IL6R: variants seen among roughly 807,000 people sequenced by gnomAD.
IL6R encodes interleukin-6 receptor subunit alpha.
In IL6R, 38 loss-of-function variants were observed where a neutral mutation model predicts 48.3. That is an observed-to-expected ratio of 0.79 (90% CI 0.61 to 1.03). IL6R has a LOEUF of 1.03. Ranked by LOEUF, IL6R falls within the 50% of genes least tolerant of loss-of-function variation. IL6R has a pLI of 0.00. For missense variants in IL6R, 534 were observed against 618.3 expected, an observed-to-expected ratio of 0.86 and a Z score of 1.45; for synonymous variants, 264 against 256.2, an observed-to-expected ratio of 1.03 and a Z score of -0.29.
chr1:154,450,066 C>T lies in IL6R; in HGVS notation c.1066+86C>T, dbSNP rs575176218. 454 of 815,476 alleles carry T rather than the reference C, an allele frequency of 5.6e-4. 8 individuals carry two copies. The South Asian group carries it at 5.6e-3, about 10-fold the overall frequency. 50.5% of individuals were successfully genotyped at this position (815,476 alleles called of 1,614,324 possible). A position where few individuals can be genotyped will look rare whatever the true frequency, so the allele number is the denominator to read the frequency against. Reference sequence around the variant, plus strand: ...AAAGTCCTTTCTTATTTGGACATGTCGTCAGAGGATCAATCACAGATCAAT... The same window carrying T: ...AAAGTCCTTTCTTATTTGGACATGTTGTCAGAGGATCAATCACAGATCAAT... On this transcript the variant is annotated intron_variant, in intron 8 of 9. Coordinates refer to ENST00000368485, the MANE Select transcript of IL6R (RefSeq NM_000565.4).
intron 9 of IL6R, among the ~76,000 whole-genome samples, chr1:154,456,582 G>T (rs1052224870): frequency 6.6e-6 from 1 of 152,072 alleles, no homozygotes; most frequent in African/African-American, 2.4e-5. Flanking sequence ...AGAGGGAGGA[G>T]TCCGGGATGA....
chr1:154,406,082 A>C (rs1036541731), intron 1 of IL6R, among the ~76,000 whole-genome samples: 2 of 152,136 alleles, frequency 1.3e-5, no homozygotes, highest in Non-Finnish European at 2.9e-5. Context: ...AGACTGCCCG[A>C]GAGGGCGCGC....
At chr1:154,450,326 A>C (rs1237368030) in intron 8 of IL6R, among the ~76,000 whole-genome samples, 1 of 151,962 alleles carries the variant, frequency 6.6e-6, no homozygotes, top group East Asian at 1.9e-4. Flanking sequence ...GGGTTTCACT[A>C]TGTTGGCCAG....
chr1:154,452,497 T>C (rs1332857795), intron 8 of IL6R, among the ~76,000 whole-genome samples: 1 of 152,212 alleles, frequency 6.6e-6, no homozygotes, highest in Non-Finnish European at 1.5e-5. Context: ...TCTGCTCAGA[T>C]GCACCCTTCT....
intron 1 of IL6R, chr1:154,414,592 A>G (rs1570923586): frequency 2.7e-6 from 2 of 754,468 alleles, no homozygotes; most frequent in Non-Finnish European, 4.7e-6. Context: ...GGCTTTCTTG[A>G]TGCACCCGGC....
intron 6 of IL6R, among the ~76,000 whole-genome samples, chr1:154,447,504 T>TATATACACACATAC (rs1553309679): frequency 2.3e-5 from 2 of 87,394 alleles, no homozygotes; most frequent in African/African-American, 1.1e-4. Context: ...CACACACACA[T>TATATACACACATAC]ATATATATAC....
At position 154,465,304 on chromosome 1, in the gene IL6R, G is replaced by A. The variant is rs1177562623; in HGVS notation, c.1331G>A (p.Ser444Asn). The A allele has an allele frequency of 1.1e-5, 18 of 1,614,168 alleles. No homozygotes were observed. Among genetic ancestry groups the A allele is most frequent in the Non-Finnish European group, 1.4e-5 (16 of 1,180,026 alleles). The change falls in exon 10 of 10, where the codon AGC (serine) becomes AAC (asparagine). Residue 444 changes from serine to asparagine, a missense_variant. Transcript: ENST00000368485. ...AGCCTGGGGTCTGACAATACCTCGA[G>A]CCACAACCGACCAGATGCCAGGGAC... ...PSSLGSDNTS[S>N]HNRPDARDPR...
chr1:154,438,055 C>G (rs1689736887), intron 6 of IL6R, among the ~76,000 whole-genome samples: 1 of 152,188 alleles, frequency 6.6e-6, no homozygotes, highest in Non-Finnish European at 1.5e-5. Context: ...ATGCACATGG[C>G]AAAGAAGTAA....
At position 154,405,638 on chromosome 1, in the gene IL6R, C is replaced by A. The variant is rs1392390296; in HGVS notation, c.9C>A (p.Ala3=). ...GTAGCCGAGGAGGAAGCATGCTGGC[C>A]GTCGGCTGCGCGCTGCTGGCTGCCC... The part of the protein sequence containing the change: ML[A]VGCALLAALL... Residue 3 remains alanine, a synonymous_variant, in exon 1 of 10, where the codon GCC becomes GCA. Transcript: ENST00000368485. The surrounding 1 kb of genome is among the most constrained non-coding windows in gnomAD (Gnocchi z 5.2). 1.3e-6 allele frequency: 2 copies of A among 1,533,200 alleles called. No homozygotes were observed. The highest frequency in any genetic ancestry group is 8.7e-7 in the Non-Finnish European group (1 of 1,147,366). 95.0% of individuals were successfully genotyped at this position (1,533,200 alleles called of 1,614,324 possible). A position where few individuals can be genotyped will look rare whatever the true frequency, so the allele number is the denominator to read the frequency against.
At chr1:154,417,215 G>A (rs1688404305) in intron 1 of IL6R, among the ~76,000 whole-genome samples, 1 of 152,192 alleles carries the variant, frequency 6.6e-6, no homozygotes, top group African/African-American at 2.4e-5. Context: ...TTCTGGGAAG[G>A]CAGAGGGCTG....
chr1:154,435,020 T>G lies in IL6R; in HGVS notation c.671T>G (p.Val224Gly). 2 of 1,614,180 alleles carry G rather than the reference T, an allele frequency of 1.2e-6. No individual in the cohort carries two copies. Among genetic ancestry groups the G allele is most frequent in the Non-Finnish European group, 1.7e-6 (2 of 1,180,032 alleles). ...CCTGATCCGCCTGCCAACATCACAG[T>G]CACTGCCGTGGCCAGAAACCCCCGC... ...LQPDPPANITVTAVARNPRWL... is the reference protein window; with the variant it reads ...LQPDPPANITGTAVARNPRWL... The change falls in exon 5 of 10, where the codon GTC (valine) becomes GGC (glycine). Residue 224 changes from valine to glycine, a missense_variant. Val to Gly is a moderately radical substitution (Grantham distance 109, BLOSUM62 -3). Transcript: ENST00000368485.
At chr1:154,450,861 C>T (rs540438337) in intron 8 of IL6R, among the ~76,000 whole-genome samples, 6 of 152,348 alleles carry the variant, frequency 3.9e-5, no homozygotes, top group African/African-American at 1.4e-4. Context: ...CCTGCCTGCA[C>T]TGATGCTGGC....
chr1:154,448,211 C>T (rs770215355), intron 7 of IL6R, 40 bp downstream of exon 7: 1 of 1,575,538 alleles, frequency 6.3e-7, no homozygotes, highest in Non-Finnish European at 8.7e-7. Context: ...GGCTGCAGCA[C>T]CTCGTGTTTA....
chr1:154,435,016 A>G lies in IL6R; in HGVS notation c.667A>G (p.Thr223Ala). The change falls in exon 5 of 10, where the codon ACA becomes GCA. Residue 223 changes from threonine (T) to alanine (A), a missense_variant. Thr to Ala is a moderately conservative substitution (Grantham distance 58). Coordinates refer to ENST00000368485, the MANE Select transcript of IL6R (RefSeq NM_000565.4). Reference protein sequence around the residue: ...ILQPDPPANITVTAVARNPRW... With the variant: ...ILQPDPPANIAVTAVARNPRW... The stretch of plus-strand genomic sequence containing the variant: ...GCAGCCTGATCCGCCTGCCAACATC[A>G]CAGTCACTGCCGTGGCCAGAAACCC... 6.2e-7 allele frequency: 1 copy of G among 1,614,124 alleles called. No homozygotes were observed. The highest frequency in any genetic ancestry group is 8.5e-7 in the Non-Finnish European group (1 of 1,180,036).
At chr1:154,417,976 G>T (rs1688448671) in intron 1 of IL6R, among the ~76,000 whole-genome samples, 1 of 151,966 alleles carries the variant, frequency 6.6e-6, no homozygotes, top group Admixed American at 6.6e-5. Context: ...CTTGTGATCC[G>T]ACCTTCTCTG....
chr1:154,433,527 CTT>C (rs912352007), intron 3 of IL6R, among the ~76,000 whole-genome samples: 6 of 152,246 alleles, frequency 3.9e-5, no homozygotes, highest in African/African-American at 1.4e-4. Context: ...TGGGGCCTCT[CTT>C]GATTCATTTC....
chr1:154,455,877 T>TAA (rs1234317436), intron 9 of IL6R, among the ~76,000 whole-genome samples: 3 of 151,846 alleles, frequency 2.0e-5, no homozygotes, highest in Admixed American at 6.5e-5. Context: ...GCCAAAATGA[T>TAA]AAAACCCTGT....
intron 8 of IL6R, among the ~76,000 whole-genome samples, chr1:154,451,557 T>C (rs1008575453): frequency 6.6e-6 from 1 of 152,110 alleles, no homozygotes; most frequent in Non-Finnish European, 1.5e-5. Context: ...AAAGCTGCTA[T>C]GGAGGAGGGG....
chr1:154,436,233 G>A (rs1436232752), intron 6 of IL6R, 123 bp downstream of exon 6: 24 of 1,091,664 alleles, frequency 2.2e-5, no homozygotes, highest in African/African-American at 3.1e-5. Context: ...GCTCACACCT[G>A]TAATCCCAGC....
Sources: allele counts gnomAD v4.1 joint callset (sites outside exome capture counted in the v4.1 genomes callset), GRCh38; gene constraint gnomAD v4.1.1; non-coding constraint Gnocchi (gnomAD v3.1); transcripts MANE v1.5; gene names NCBI Gene and HGNC (gene_info 2026-07-23, HGNC 2026-07-21).